The following CCDC40 variants were observed in gnomAD, a reference collection of about 807,000 sequenced individuals.
CCDC40 encodes the protein coiled-coil domain 40 molecular ruler complex subunit, also known as coiled-coil domain-containing protein 40.
CCDC40 carries 104 observed loss-of-function variants against 124.5 expected under a neutral mutation model. The ratio of observed to expected loss-of-function variants is 0.84; its 90% CI spans 0.71 to 0.98. The LOEUF (loss-of-function observed/expected upper bound fraction) is 0.98, where lower values mean the gene tolerates loss of function less well. CCDC40 is among the 50% of genes least tolerant of loss of function. The pLI is 0.00. For missense variants in CCDC40, 1,463 were observed against 1,503.9 expected (o/e 0.97, Z 0.45); for synonymous variants, 580 against 602.9 (o/e 0.96, Z 0.56).
At chr17:80,083,859 A>G (rs1234017384) in intron 12 of CCDC40, among the ~76,000 whole-genome samples, 3 of 152,240 alleles carry the variant, frequency 2.0e-5, no homozygotes, top group Non-Finnish European at 4.4e-5. Flanking sequence ...TTCATAAACT[A>G]TGCTGCAAAT....
Position 80,048,622 on chromosome 17 carries a change from G to A in CCDC40, c.716G>A (p.Gly239Glu), listed in dbSNP as rs773268055. The A allele has an allele frequency of 1.2e-6, 2 of 1,614,040 alleles. No homozygotes were observed. Among genetic ancestry groups the A allele is most frequent in the South Asian group, 1.1e-5 (1 of 91,080 alleles). Residue 239 changes from glycine to glutamate, a missense_variant, in exon 5 of 20, where the codon GGA (glycine) becomes GAA (glutamate). By Grantham distance (98) the Gly-to-Glu change is moderately conservative (BLOSUM62 -2). Coordinates refer to ENST00000397545, the MANE Select transcript of CCDC40 (RefSeq NM_017950.4). The stretch of plus-strand genomic sequence containing the variant: ...GTGCCCGATGCCCACCCCAGGGAAG[G>A]AGACCTGCCAGTGTTCCAGGACCAG... ...PGVPDAHPRE[G>E]DLPVFQDQIQ...
intron 9 of CCDC40, among the ~76,000 whole-genome samples, chr17:80,064,924 C>T (rs911299412): frequency 6.6e-6 from 1 of 151,954 alleles, no homozygotes; most frequent in Non-Finnish European, 1.5e-5. Context: ...GGTGCTGGGC[C>T]CGTCCTGTGG....
chr17:80,081,741 C>T lies in CCDC40; in HGVS notation c.1758C>T (p.Tyr586=). ...CCCTGCAGAGCCAGTTCAATACCTA[C>T]AGGCTCACCCTGCAGGACACAGAGG... ...QVALQSQFNT[Y]RLTLQDTEDA... The change falls in exon 11 of 20, where the codon TAC becomes TAT. Residue 586 remains tyrosine, a synonymous_variant. Coordinates refer to ENST00000397545, the MANE Select transcript of CCDC40 (RefSeq NM_017950.4). The T allele has an allele frequency of 1.2e-6, 2 of 1,614,118 alleles. No individual in the cohort carries two copies. Among genetic ancestry groups the T allele is most frequent in the African/African-American group, 1.3e-5 (1 of 75,064 alleles).
chr17:80,085,789 C>G (rs2038574430), intron 13 of CCDC40, among the ~76,000 whole-genome samples: 2 of 151,002 alleles, frequency 1.3e-5, no homozygotes, highest in Admixed American at 1.3e-4. Flanking sequence ...CCTGCCTCAG[C>G]CTTCCAAGTA....
At chr17:80,069,547 T>C (rs7221043) in intron 10 of CCDC40, among the ~76,000 whole-genome samples, 2,237 of 152,116 alleles carry the variant, frequency 0.015, 58 homozygotes, top group African/African-American at 0.051. Flanking sequence ...AGCTGGAGAT[T>C]GAAACCATCT....
chr17:80,069,675 C>T (rs1485818025), intron 10 of CCDC40, among the ~76,000 whole-genome samples: 1 of 152,038 alleles, frequency 6.6e-6, no homozygotes, highest in East Asian at 1.9e-4. Flanking sequence ...CGCCTGAACC[C>T]GGGAGGTGGA....
chr17:80,082,862 C>T (rs897234421), intron 12 of CCDC40, among the ~76,000 whole-genome samples: 3 of 152,194 alleles, frequency 2.0e-5, no homozygotes, highest in African/African-American at 7.2e-5. Context: ...AGTCTTGGAC[C>T]AACACATTCG....
chr17:80,090,013 G>A, intron 17 of CCDC40, 129 bp downstream of exon 17: 2 of 1,539,394 alleles, frequency 1.3e-6, no homozygotes, highest in Admixed American at 2.0e-5. Flanking sequence ...ATTGGCTGGT[G>A]GCAATGGGTG....
chr17:80,063,587 G>A (rs1369037417), intron 9 of CCDC40, among the ~76,000 whole-genome samples: 1 of 152,202 alleles, frequency 6.6e-6, no homozygotes, highest in Non-Finnish European at 1.5e-5. Context: ...ATGGCACAGA[G>A]CAGCCTCCTT....
intron 19 of CCDC40, chr17:80,097,955 A>AAAAGAAAAG: frequency 6.1e-6 from 1 of 164,040 alleles, no homozygotes; most frequent in South Asian, 1.4e-4. Flanking sequence ...GAAAAGAAAA[A>AAAAGAAAAG]GGGAAATGGT....
intron 10 of CCDC40, among the ~76,000 whole-genome samples, chr17:80,075,188 G>C (rs1379283242): frequency 6.8e-6 from 1 of 147,516 alleles, no homozygotes; most frequent in Non-Finnish European, 1.5e-5. Flanking sequence ...GCCTCCCAAA[G>C]TGCTGGGATT....
rs61739354 is a variant in CCDC40, at chr17:80,065,510, G to T, written c.1466G>T (p.Ser489Ile). 2.7e-3 allele frequency: 4,418 copies of T among 1,613,144 alleles called. 107 individuals carry two copies. In the African/African-American group the frequency reaches 0.053, roughly 19 times the overall value. ...SEACTEIDAI[S>I]VEKRRIMQQW... ...GCCTGCACCGAGATCGACGCCATCA[G>T]CGTGGAGAAGAGGCGCATCATGCAG... Residue 489 changes from serine (S) to isoleucine (I), a missense_variant, in exon 10 of 20, where the codon AGC becomes ATC. Transcript: ENST00000397545.
Position 80,081,910 on chromosome 17 carries a change from T to G in CCDC40, c.1841T>G (p.Ile614Ser), listed in dbSNP as rs899000567. 5 of 1,613,954 alleles carry G rather than the reference T, an allele frequency of 3.1e-6. No individual in the cohort carries two copies. The African/African-American group carries it at 6.7e-5, about 22-fold the overall frequency. The change falls in exon 12 of 20, where the codon ATC (isoleucine) becomes AGC (serine). Residue 614 changes from isoleucine (I) to serine (S), a missense_variant. Transcript: ENST00000397545. ...QMILTEELQA[I>S]RQAIQGELEL... ...ATACTCACGGAGGAGTTGCAGGCCA[T>G]CCGCCAAGCCATCCAGGGCGAGCTG...
In CCDC40 at chr17:80,040,218, G is replaced by T. The variant is rs2037240701; in HGVS notation, c.500G>T (p.Gly167Val). Reference sequence around the variant, plus strand: ...CCAGAGCCATCCCACGGAGTCTTAGGCCCGTCGGAGCAAATGGGCCAGGTC... The same window carrying T: ...CCAGAGCCATCCCACGGAGTCTTAGTCCCGTCGGAGCAAATGGGCCAGGTC... ...TSPEPSHGVL[G>V]PSEQMGQVTS... is the part of the protein sequence containing the mutation. The change falls in exon 3 of 20, where the codon GGC (glycine) becomes GTC (valine). Residue 167 changes from glycine (G) to valine (V), a missense_variant. Transcript: ENST00000397545. 1.2e-6 allele frequency: 2 copies of T among 1,614,010 alleles called. No individual in the cohort carries two copies.
intron 7 of CCDC40, among the ~76,000 whole-genome samples, chr17:80,054,887 A>G (rs2037696894): frequency 6.6e-6 from 1 of 152,166 alleles, no homozygotes; most frequent in South Asian, 2.1e-4. Context: ...AGACAGGAGA[A>G]TTGCTTGAGC....
intron 10 of CCDC40, chr17:80,067,165 A>G (rs1318689540): frequency 4.6e-6 from 1 of 219,066 alleles, no homozygotes; most frequent in Non-Finnish European, 9.0e-6. Context: ...GGAAGACGTC[A>G]CCTCCGAGAT....
intron 19 of CCDC40, among the ~76,000 whole-genome samples, chr17:80,099,082 A>G (rs183550311): frequency 0.015 from 2,200 of 151,034 alleles, 63 homozygotes; most frequent in East Asian, 0.099. Context: ...GGAGATCGAG[A>G]CCATCCTGGC....
chr17:80,088,773 C>T (rs1305174431), intron 16 of CCDC40, among the ~76,000 whole-genome samples: 1 of 152,196 alleles, frequency 6.6e-6, no homozygotes, highest in Non-Finnish European at 1.5e-5. Flanking sequence ...CACCACTGCA[C>T]TCCAGCCTGG....
chr17:80,058,081 C>T lies in CCDC40; in HGVS notation c.1160-413C>T, dbSNP rs917892840. Among the ~76,000 whole-genome samples, 1 of 152,090 alleles carries T rather than the reference C, an allele frequency of 6.6e-6. No homozygotes were observed. The highest frequency in any genetic ancestry group is 1.5e-5 in the Non-Finnish European group (1 of 68,020). Reference sequence around the variant, plus strand: ...AGGGGCATCTGTGGAGCTCAGCCTGCCCTGGATGTTCTCGTCTCCTCCCAG... The same window carrying T: ...AGGGGCATCTGTGGAGCTCAGCCTGTCCTGGATGTTCTCGTCTCCTCCCAG... On this transcript the variant is annotated intron_variant, in intron 7 of 19. Coordinates refer to ENST00000397545, the MANE Select transcript of CCDC40 (RefSeq NM_017950.4). This position sits in a 1 kb window ranked among gnomAD's most constrained non-coding sequence, Gnocchi z 4.2.
Sources: gnomAD v4.1 joint callset for allele counts (sites outside exome capture counted in the v4.1 genomes callset) on GRCh38, gnomAD v4.1.1 for gene constraint, Gnocchi (gnomAD v3.1) non-coding constraint, MANE v1.5 for transcripts, NCBI Gene and HGNC (gene_info 2026-07-23, HGNC 2026-07-21) for gene names.